TEC: variants seen among roughly 807,000 people sequenced by gnomAD.
TEC encodes tyrosine-protein kinase Tec.
In TEC, 72 loss-of-function variants were observed where a neutral mutation model predicts 93.0. The ratio of observed to expected loss-of-function variants is 0.77; its 90% CI spans 0.64 to 0.94. The LOEUF (loss-of-function observed/expected upper bound fraction) is 0.94. TEC is among the 40% of genes least tolerant of loss of function. The pLI, the probability that TEC is intolerant of heterozygous loss-of-function variation, is 0.00. For synonymous variants in TEC, 249 were observed against 247.7 expected (o/e 1.01, Z -0.05); for missense variants, 630 against 757.9 (o/e 0.83, Z 1.98).
chr4:48,212,098 C>CAAA (rs59441112), intron 2 of TEC, among the ~76,000 whole-genome samples: 1,429 of 86,210 alleles, frequency 0.017, 12 homozygotes, highest in South Asian at 0.031. Context: ...GACTCTGTCT[C>CAAA]AAAAAAAAAA....
In TEC at chr4:48,184,236, A is replaced by G. The variant is rs952942705; in HGVS notation, c.139-8050T>C. On this transcript the variant is annotated intron_variant, in intron 2 of 17. Coordinates refer to ENST00000381501, the MANE Select transcript of TEC (RefSeq NM_003215.3). ...GTATAATTAACTTGCCCAAAGTCACACAATAATCCAGGATTTGAACTTTAA... is the reference window on the plus strand; with the variant it reads ...GTATAATTAACTTGCCCAAAGTCACGCAATAATCCAGGATTTGAACTTTAA... 2.0e-5 allele frequency among the ~76,000 whole-genome samples: 3 copies of G among 152,334 alleles called. No homozygotes were observed. The East Asian group carries it at 5.8e-4, about 29-fold the overall frequency.
chr4:48,156,372 T>C (rs1460265455), intron 9 of TEC, among the ~76,000 whole-genome samples: 1 of 152,222 alleles, frequency 6.6e-6, no homozygotes, highest in Non-Finnish European at 1.5e-5. Context: ...CATGTCCAGC[T>C]GCACATGTTT....
At chr4:48,261,418 A>T (rs1373357901) in intron 1 of TEC, among the ~76,000 whole-genome samples, 1 of 152,226 alleles carries the variant, frequency 6.6e-6, no homozygotes, top group Non-Finnish European at 1.5e-5. Flanking sequence ...TGCTTAAATC[A>T]TATTGGCAGA....
intron 2 of TEC, among the ~76,000 whole-genome samples, chr4:48,209,554 A>G (rs976361060): frequency 1.3e-5 from 2 of 152,206 alleles, no homozygotes; most frequent in Non-Finnish European, 2.9e-5. Flanking sequence ...TTGAGGCTGC[A>G]GTGAGTTGTG....
intron 2 of TEC, among the ~76,000 whole-genome samples, chr4:48,179,228 T>C (rs1721456704): frequency 6.6e-6 from 1 of 151,218 alleles, no homozygotes; most frequent in East Asian, 1.9e-4. Flanking sequence ...CTCTGCAAGG[T>C]AAGGATTACT....
chr4:48,226,769 C>CGTTA (rs1349083170), intron 2 of TEC, among the ~76,000 whole-genome samples: 1 of 151,986 alleles, frequency 6.6e-6, no homozygotes, highest in African/African-American at 2.4e-5. Context: ...TGTCCCTAAC[C>CGTTA]CTACATTGAC....
intron 2 of TEC, among the ~76,000 whole-genome samples, chr4:48,202,845 A>G (rs1220187647): frequency 1.3e-5 from 2 of 152,248 alleles, no homozygotes; most frequent in African/African-American, 2.4e-5. Context: ...TGACATCAGA[A>G]CTAGTGCTTC....
intron 2 of TEC, among the ~76,000 whole-genome samples, chr4:48,181,476 C>A (rs1382687140): frequency 6.6e-6 from 1 of 151,822 alleles, no homozygotes; most frequent in Non-Finnish European, 1.5e-5. Context: ...AGTTCAAGAC[C>A]AGCCTGGCCA....
intron 1 of TEC, among the ~76,000 whole-genome samples, chr4:48,258,356 G>A (rs1257723155): frequency 1.3e-5 from 2 of 152,048 alleles, no homozygotes; most frequent in Non-Finnish European, 1.5e-5. Flanking sequence ...TGGCCAGGCT[G>A]GTCTCAAACT....
In TEC at chr4:48,139,012, C is replaced by A; in HGVS notation, c.1546G>T (p.Asp516Tyr). Residue 516 changes from aspartate (D) to tyrosine (Y), a missense_variant, in exon 16 of 18, where the codon GAT becomes TAT. Asp to Tyr is a radical substitution (Grantham distance 160). Transcript: ENST00000381501. ...CCAGAAGAACTTGTGTACTGATCAT[C>A]CAGAACATACCTAGAGTAAGACACA... Reference protein sequence around the residue: ...SDFGMARYVLDDQYTSSSGAK... With the variant: ...SDFGMARYVLYDQYTSSSGAK... 6.2e-7 allele frequency: 1 copy of A among 1,613,098 alleles called. No individual in the cohort carries two copies. Among genetic ancestry groups the A allele is most frequent in the Non-Finnish European group, 8.5e-7 (1 of 1,179,054 alleles).
In TEC at chr4:48,138,957, G is replaced by A. The variant is rs139947477; in HGVS notation, c.1601C>T (p.Pro534Leu). 1.9e-6 allele frequency: 3 copies of A among 1,614,096 alleles called. No individual in the cohort carries two copies. The African/African-American group carries it at 4.0e-5, about 22-fold the overall frequency. Residue 534 changes from proline (P) to leucine (L), a missense_variant, in exon 16 of 18, where the codon CCT becomes CTT. Physicochemically the swap from Pro to Leu is moderately conservative, Grantham distance 98. Transcript: ENST00000381501. ...GAKFPVKWCPPEVFNYSRFSS... is the reference protein window; with the variant it reads ...GAKFPVKWCPLEVFNYSRFSS... The stretch of plus-strand genomic sequence containing the variant: ...GAAGCGGCTGTAATTAAACACTTCA[G>A]GTGGACACCACTTCACAGGAAACTT...
intron 14 of TEC, among the ~76,000 whole-genome samples, chr4:48,143,496 C>T (rs931420035): frequency 6.6e-6 from 1 of 152,186 alleles, no homozygotes; most frequent in African/African-American, 2.4e-5. Flanking sequence ...TTATCTACAG[C>T]ATGTCTATTT....
chr4:48,236,980 C>A (rs915848019), intron 1 of TEC, among the ~76,000 whole-genome samples: 41 of 152,140 alleles, frequency 2.7e-4, no homozygotes, highest in African/African-American at 9.4e-4. Flanking sequence ...ATCAAAACAT[C>A]ACTATATGCC....
chr4:48,219,985 G>A (rs1269130604), intron 2 of TEC, among the ~76,000 whole-genome samples: 2 of 151,968 alleles, frequency 1.3e-5, no homozygotes, highest in Non-Finnish European at 2.9e-5. Context: ...GAACTTAAGA[G>A]TCACAATATC....
intron 2 of TEC, among the ~76,000 whole-genome samples, chr4:48,182,416 T>G (rs1721627824): frequency 6.6e-6 from 1 of 152,128 alleles, no homozygotes; most frequent in African/African-American, 2.4e-5. Context: ...GCTGAGACTT[T>G]CCCTGACTCA....
chr4:48,198,233 C>A (rs778615114), intron 2 of TEC, among the ~76,000 whole-genome samples: 1 of 152,192 alleles, frequency 6.6e-6, no homozygotes, highest in Non-Finnish European at 1.5e-5. Flanking sequence ...CTCCCGGCGC[C>A]AGGGCGATGG....
chr4:48,218,973 C>T (rs1463819797), intron 2 of TEC, among the ~76,000 whole-genome samples: 1 of 151,834 alleles, frequency 6.6e-6, no homozygotes, highest in Non-Finnish European at 1.5e-5. Context: ...TACCTAGGTG[C>T]CAAGGCAAGA....
chr4:48,179,337 A>AGTAT (rs1721461933), intron 2 of TEC, among the ~76,000 whole-genome samples: 1 of 81,940 alleles, frequency 1.2e-5, no homozygotes, highest in African/African-American at 5.2e-5. Flanking sequence ...TGACGTGGGT[A>AGTAT]GTATATATAT....
chr4:48,267,934 C>T (rs933769181), intron 1 of TEC, among the ~76,000 whole-genome samples: 1 of 152,174 alleles, frequency 6.6e-6, no homozygotes, highest in African/African-American at 2.4e-5. Flanking sequence ...TGGCTGGAGG[C>T]CCAAGGCCCT....
Sources: gnomAD v4.1 joint callset for allele counts (sites outside exome capture counted in the v4.1 genomes callset) on GRCh38, gnomAD v4.1.1 for gene constraint, MANE v1.5 for transcripts, NCBI Gene and HGNC (gene_info 2026-07-23, HGNC 2026-07-21) for gene names.